AHCYL1: variants seen among roughly 807,000 people sequenced by gnomAD.
AHCYL1 encodes the protein S-adenosylhomocysteine hydrolase-like protein 1.
Under a neutral mutation model 79.3 loss-of-function variants are expected in AHCYL1, and 20 were observed. The observed-to-expected ratio is 0.25, with a 90% CI of 0.18 to 0.37. The LOEUF (loss-of-function observed/expected upper bound fraction) is 0.37. Ranked by LOEUF, AHCYL1 falls within the 10% of genes least tolerant of loss-of-function variation. AHCYL1 has a pLI of 1.00. For synonymous variants in AHCYL1, 223 were observed against 242.2 expected (o/e 0.92, Z 0.74); for missense variants, 330 against 673.6 (o/e 0.49, Z 5.65).
chr1:110,004,782 T>TA lies in AHCYL1; in HGVS notation c.121-4251dup, dbSNP rs1240150216. 4.6e-5 allele frequency among the ~76,000 whole-genome samples: 7 copies of TA among 152,202 alleles called. No individual in the cohort carries two copies. The East Asian group carries it at 1.3e-3, about 29-fold the overall frequency. ...AGAGAACGTAAGGAAGTAAAGGTGT[T>TA]ACACCTGTTTTGGCTGTCTGCCATA... On this transcript the variant is annotated intron_variant, in intron 1 of 16. Coordinates refer to ENST00000369799, the MANE Select transcript of AHCYL1 (RefSeq NM_006621.7).
At chr1:109,995,814 G>A (rs1649999812) in intron 1 of AHCYL1, 1 of 500,998 alleles carries the variant, frequency 2.0e-6, no homozygotes, top group Admixed American at 6.4e-5. Flanking sequence ...ATGGAGAATG[G>A]GTTGGCATTT....
chr1:109,998,548 C>T (rs1650138586), intron 1 of AHCYL1, among the ~76,000 whole-genome samples: 3 of 152,088 alleles, frequency 2.0e-5, no homozygotes, highest in Admixed American at 1.3e-4. Context: ...TGTGATCTCA[C>T]CTCACTGCAA....
chr1:110,017,523 A>G lies in AHCYL1; in HGVS notation c.992A>G (p.Lys331Arg), dbSNP rs759077032. ...EVGKGCCAAL[K>R]ALGAIVYITE... ...GGCAAGGGCTGCTGTGCTGCTCTCA[A>G]AGCTCTTGGAGCAATTGTCTACATT... The change falls in exon 10 of 17, where the codon AAA becomes AGA. Residue 331 changes from lysine to arginine, a missense_variant. This residue lies in a region of AHCYL1 where 119 missense variants were observed against 293.3 expected (regional missense o/e 0.41). Coordinates refer to ENST00000369799, the MANE Select transcript of AHCYL1 (RefSeq NM_006621.7). The G allele has an allele frequency of 1.5e-5, 24 of 1,614,130 alleles. No homozygotes were observed. Among genetic ancestry groups the G allele is most frequent in the Non-Finnish European group, 2.0e-5 (24 of 1,180,002 alleles).
rs1020583285 is a variant in AHCYL1 at position 109,998,564 on chromosome 1, G to A, written c.121-10470G>A. ...GTGATCTCACCTCACTGCAACCTCC[G>A]TCCCCTGGGTTCAAGCAATCCTCTT... On this transcript the variant is annotated intron_variant, in intron 1 of 16. Coordinates refer to ENST00000369799, the MANE Select transcript of AHCYL1 (RefSeq NM_006621.7). Among the ~76,000 whole-genome samples, 28 of 152,114 alleles carry A rather than the reference G, an allele frequency of 1.8e-4. 1 individual carries two copies. Among genetic ancestry groups the A allele is most frequent in the Admixed American group, 1.3e-3 (20 of 15,266 alleles).
chr1:109,985,210 C>T (rs1446029196), intron 1 of AHCYL1, 38 bp downstream of exon 1: 7 of 1,583,444 alleles, frequency 4.4e-6, no homozygotes, highest in Non-Finnish European at 6.0e-6. Context: ...GCTCGGGCTC[C>T]GGCCTCGCGG....
rs563263255 is a variant in AHCYL1, at chr1:109,997,579, C to T, written c.121-11455C>T. ...AGCGGGACGGCAGATAAGGGTTTGC[C>T]TTAACATTTATACCAACGTTAATAT... On this transcript the variant is annotated intron_variant, in intron 1 of 16. Transcript: ENST00000369799. 2.0e-5 allele frequency among the ~76,000 whole-genome samples: 3 copies of T among 152,306 alleles called. No homozygotes were observed. The East Asian group carries it at 5.8e-4, about 29-fold the overall frequency.
chr1:110,016,455 G>A lies in AHCYL1; in HGVS notation c.894G>A (p.Leu298=). 1.2e-6 allele frequency: 2 copies of A among 1,613,118 alleles called. No homozygotes were observed. The highest frequency in any genetic ancestry group is 1.7e-6 in the Non-Finnish European group (2 of 1,179,302). The change falls in exon 8 of 17, where the codon TTG becomes TTA. Residue 298 remains leucine (L), a synonymous_variant. Transcript: ENST00000369799. ...TGTACTGCTGCCGAGAATCCATTTT[G>A]GATGGGTAGGTTGAATGTATATATA... is the stretch of plus-strand genomic sequence containing the variant. The part of the protein sequence containing the change: ...DNLYCCRESI[L]DGLKRTTDVM...
At chr1:110,001,050 A>G in intron 1 of AHCYL1, 2 of 745,094 alleles carry the variant, frequency 2.7e-6, no homozygotes, top group Non-Finnish European at 3.3e-6. Flanking sequence ...ATGTAGTGCT[A>G]TCAGGTGGTG....
intron 1 of AHCYL1, among the ~76,000 whole-genome samples, chr1:110,006,547 A>C (rs1650671050): frequency 6.6e-6 from 1 of 152,180 alleles, no homozygotes; most frequent in Non-Finnish European, 1.5e-5. Flanking sequence ...TCTGGAGAGA[A>C]AACTTGTGAT....
intron 1 of AHCYL1, chr1:109,985,658 T>C: frequency 1.6e-6 from 1 of 606,974 alleles, no homozygotes; most frequent in Non-Finnish European, 2.1e-6. Context: ...AAGCTAGCTC[T>C]GATATACAGG....
At chr1:110,011,775 G>A (rs913338791) in intron 3 of AHCYL1, among the ~76,000 whole-genome samples, 6 of 152,234 alleles carry the variant, frequency 3.9e-5, no homozygotes, top group African/African-American at 1.4e-4. Context: ...CTAGAGTCTT[G>A]TTTGGTCCTG....
intron 5 of AHCYL1, among the ~76,000 whole-genome samples, chr1:110,014,021 G>C (rs567267699): frequency 6.6e-6 from 1 of 151,620 alleles, no homozygotes; most frequent in East Asian, 2.0e-4. Context: ...GGCTGGTCTC[G>C]AACTCCTGAC....
chr1:110,014,688 A>G (rs543541744), intron 5 of AHCYL1, 75 bp from the exon 6 acceptor site: 44 of 1,136,250 alleles, frequency 3.9e-5, no homozygotes, highest in East Asian at 3.5e-4. Context: ...TTCTCTTCAC[A>G]TGGATCTCAG....
rs1651821809 is a variant in AHCYL1 at position 110,021,787 on chromosome 1, C to G, written c.*107C>G. On this transcript the variant is annotated 3_prime_UTR_variant, in exon 17 of 17. Coordinates refer to ENST00000369799, the MANE Select transcript of AHCYL1 (RefSeq NM_006621.7). ...TACTCCTTTCCTCTTGATTTTTTTC[C>G]TATAATTTCATTCTTGTTTTTTCAT... 2 of 1,267,630 alleles carry G rather than the reference C, an allele frequency of 1.6e-6. No homozygotes were observed. The highest frequency in any genetic ancestry group is 2.2e-6 in the Non-Finnish European group (2 of 902,750). 78.5% of individuals were successfully genotyped at this position (1,267,630 alleles called of 1,614,324 possible).
chr1:110,011,560 G>A (rs1380496533), intron 3 of AHCYL1, among the ~76,000 whole-genome samples: 7 of 152,188 alleles, frequency 4.6e-5, no homozygotes, highest in Non-Finnish European at 1.0e-4. Context: ...CTCAGCATGT[G>A]GTGATTACAC....
At position 110,022,789 on chromosome 1, in the gene AHCYL1, T is replaced by C. The variant is rs1265850328; in HGVS notation, c.*1109T>C. On this transcript the variant is annotated 3_prime_UTR_variant, in exon 17 of 17. Coordinates refer to ENST00000369799, the MANE Select transcript of AHCYL1 (RefSeq NM_006621.7). ...ATAAATTGGGCCAGGGCAAGAAAAA[T>C]CTAGCTTCATATAATTTGTCTGGGA... The C allele has an allele frequency of 1.3e-5, 2 of 152,384 alleles. No individual in the cohort carries two copies. The highest frequency in any genetic ancestry group is 2.9e-5 in the Non-Finnish European group (2 of 68,002). The allele number at this position is 152,384 out of a possible 1,614,324, so 9.4% of individuals were successfully genotyped here.
In AHCYL1 at chr1:110,001,769, T is replaced by C. The variant is rs146820190; in HGVS notation, c.121-7265T>C. 8.2e-3 allele frequency among the ~76,000 whole-genome samples: 1,255 copies of C among 152,256 alleles called. 14 individuals carry two copies. The highest frequency in any genetic ancestry group is 0.02 in the African/African-American group (823 of 41,552). On this transcript the variant is annotated intron_variant, in intron 1 of 16. Coordinates refer to ENST00000369799, the MANE Select transcript of AHCYL1 (RefSeq NM_006621.7). ...GTGTACCTTTTAAAGTTTTGAGACATGTAAATGTTTTATATGTCAAAATCA... is the reference window on the plus strand; with the variant it reads ...GTGTACCTTTTAAAGTTTTGAGACACGTAAATGTTTTATATGTCAAAATCA...
chr1:109,993,979 G>A (rs574213995), intron 1 of AHCYL1, among the ~76,000 whole-genome samples: 65 of 152,328 alleles, frequency 4.3e-4, no homozygotes, highest in African/African-American at 1.5e-3. Flanking sequence ...CAACAGCTCC[G>A]TCCGGCAGTG....
intron 3 of AHCYL1, among the ~76,000 whole-genome samples, 181 bp from the exon 4 acceptor site, chr1:110,012,181 A>C (rs891983497): frequency 6.6e-5 from 10 of 152,220 alleles, no homozygotes; most frequent in African/African-American, 2.4e-4. Context: ...AGAAACTCCA[A>C]GTGGTTGCAT....
Sources: gnomAD v4.1 joint callset for allele counts (sites outside exome capture counted in the v4.1 genomes callset) on GRCh38, gnomAD v4.1.1 for gene constraint, gnomAD v4.1.1 regional missense constraint, MANE v1.5 for transcripts, NCBI Gene and HGNC (gene_info 2026-07-23, HGNC 2026-07-21) for gene names.